Variants in GLOD5 observed in about 807,000 individuals in gnomAD.
The protein encoded by GLOD5 is glyoxalase domain-containing protein 5.
A neutral mutation model predicts 9.9 loss-of-function variants in GLOD5; 7 were observed. The ratio of observed to expected loss-of-function variants is 0.71; its 90% CI spans 0.40 to 1.33. GLOD5 has a LOEUF of 1.33. GLOD5 is among the 40% of genes most tolerant of loss of function. The pLI is 0.01. For synonymous variants in GLOD5, 49 were observed against 47.3 expected (o/e 1.04, Z -0.14); for missense variants, 146 against 128.4 (o/e 1.14, Z -0.66).
At chrX:48,766,825 T>A (rs1379023280) in intron 2 of GLOD5, among the ~76,000 whole-genome samples, 1 of 101,580 alleles carries the variant, frequency 9.8e-6, no homozygotes, top group Non-Finnish European at 2.0e-5. Context: ...ATTTCCCACT[T>A]GCTTTGAAAA....
At chrX:48,769,839 G>A (rs2062617915) in intron 2 of GLOD5, among the ~76,000 whole-genome samples, 1 of 107,947 alleles carries the variant, frequency 9.3e-6, no homozygotes, top group Admixed American at 1.0e-4. Flanking sequence ...AATTAGCCAG[G>A]CGTGGTGGGG....
chrX:48,772,907 C>T (rs1457757634), intron 3 of GLOD5, among the ~76,000 whole-genome samples: 10 of 110,554 alleles, frequency 9.0e-5, no homozygotes, highest in African/African-American at 2.0e-4. Context: ...AAAGATACAG[C>T]GGTGTTCTAA....
chrX:48,772,317 C>G (rs2062624413), intron 3 of GLOD5, among the ~76,000 whole-genome samples: 1 of 110,059 alleles, frequency 9.1e-6, no homozygotes, highest in Non-Finnish European at 1.9e-5. Context: ...GGGAGGATCA[C>G]TTGAACCCAG....
chrX:48,763,110 A>G (rs1554987), intron 1 of GLOD5, among the ~76,000 whole-genome samples: 33,986 of 110,991 alleles, frequency 0.31, 5,162 homozygotes, highest in African/African-American at 0.59. Flanking sequence ...AAAGTAGAAA[A>G]GTTGAAAATC....
chrX:48,764,351 C>G (rs1286809295), intron 1 of GLOD5, among the ~76,000 whole-genome samples: 1 of 110,979 alleles, frequency 9.0e-6, no homozygotes, highest in Non-Finnish European at 1.9e-5. Context: ...AACAAGATGA[C>G]CACACATCAT....
chrX:48,771,222 T>C, intron 3 of GLOD5, 140 bp downstream of exon 3: 1 of 383,027 alleles, frequency 2.6e-6, no homozygotes, highest in Non-Finnish European at 4.2e-6. Context: ...TGACAATTCT[T>C]TCATGTAAAT....
At chrX:48,762,119 G>C (rs782141527) in intron 1 of GLOD5, among the ~76,000 whole-genome samples, 68 of 111,180 alleles carry the variant, frequency 6.1e-4, no homozygotes, top group Non-Finnish European at 1.1e-3. Context: ...GAGATACAAA[G>C]GTGGCTCACG....
intron 3 of GLOD5, among the ~76,000 whole-genome samples, chrX:48,772,263 C>T (rs782254475): frequency 9.1e-6 from 1 of 110,309 alleles, no homozygotes; most frequent in Non-Finnish European, 1.9e-5. Context: ...GGCTGGGGCA[C>T]AGTGGCTCAT....
intron 2 of GLOD5, among the ~76,000 whole-genome samples, chrX:48,767,004 A>AAAAAAAAAAAAAAAAAAAAAAAAAAG: frequency 1.1e-5 from 1 of 87,499 alleles, no homozygotes; most frequent in African/African-American, 4.1e-5. Context: ...AAAAAAAAAA[A>AAAAAAAAAAAAAAAAAAAAAAAAAAG]ACCAACATTG....
chrX:48,765,594 A>AAG (rs2062606869), intron 1 of GLOD5: 1 of 376,003 alleles, frequency 2.7e-6, no homozygotes, highest in African/African-American at 2.7e-5. Flanking sequence ...AAAAAAAAAA[A>AAG]AAAAAAAAGA....
chrX:48,766,985 C>CAAAAAAAAAAAAAAAAAAAAAAAAAAA (rs782648787), intron 2 of GLOD5, among the ~76,000 whole-genome samples: 80 of 3,020 alleles, frequency 0.026, 35 homozygotes, highest in Non-Finnish European at 0.032. Flanking sequence ...GATTCCATCT[C>CAAAAAAAAAAAAAAAAAAAAAAAAAAA]AAAAAAAAAA....
chrX:48,767,248 CCTTA>C (rs782407926), intron 2 of GLOD5, among the ~76,000 whole-genome samples: 1 of 110,345 alleles, frequency 9.1e-6, no homozygotes, highest in Non-Finnish European at 1.9e-5. Context: ...GCAAAAAATG[CCTTA>C]CTAAGATGTG....
At chrX:48,763,136 C>G (rs1423547239) in intron 1 of GLOD5, among the ~76,000 whole-genome samples, 1 of 111,410 alleles carries the variant, frequency 9.0e-6, no homozygotes, top group Non-Finnish European at 1.9e-5. Context: ...CCTGAGCTTC[C>G]CTATCAAGAA....
At chrX:48,773,265 A>G (rs1557017634) in intron 3 of GLOD5, 45 bp from the exon 4 acceptor site, 1 of 1,201,144 alleles carries the variant, frequency 8.3e-7, no homozygotes, top group Non-Finnish European at 1.1e-6. Flanking sequence ...TTGGTCTCAC[A>G]CACACATTTT....
intron 2 of GLOD5, among the ~76,000 whole-genome samples, chrX:48,766,516 C>T (rs191154574): frequency 1.2e-3 from 130 of 108,537 alleles, no homozygotes; most frequent in Non-Finnish European, 1.9e-3. Flanking sequence ...TTTGGGAGGC[C>T]GAGGTGGGCG....
Position 48,761,753 on chromosome X carries a change from T to C in GLOD5, c.-38T>C, listed in dbSNP as rs1216533641. 5.3e-6 allele frequency: 6 copies of C among 1,125,242 alleles called. No individual in the cohort carries two copies. The highest frequency in any genetic ancestry group is 3.7e-5 in the African/African-American group (2 of 54,145). 92.7% of individuals were successfully genotyped at this position (1,125,242 alleles called of 1,213,427 possible). ...GATCTCCAGGCGCTGAGCCAGAGGA[T>C]TGTCGGGAGGACCCTGGGCAAAGAC... is the stretch of plus-strand genomic sequence containing the variant. On this transcript the variant is annotated 5_prime_UTR_variant, in exon 1 of 4. Coordinates refer to ENST00000303227, the MANE Select transcript of GLOD5 (RefSeq NM_001080489.3).
chrX:48,772,585 C>T (rs1211213703), intron 3 of GLOD5, among the ~76,000 whole-genome samples: 1 of 110,686 alleles, frequency 9.0e-6, no homozygotes, highest in Non-Finnish European at 1.9e-5. Flanking sequence ...TTGCAGAACA[C>T]GGATTGAGGT....
At chrX:48,771,316 C>CTT (rs147569348) in intron 3 of GLOD5, among the ~76,000 whole-genome samples, 3 of 99,703 alleles carry the variant, frequency 3.0e-5, no homozygotes, top group African/African-American at 7.2e-5. Flanking sequence ...CACTGAAATA[C>CTT]TTTTTTTTTT....
chrX:48,763,308 C>G (rs1401557939), intron 1 of GLOD5, among the ~76,000 whole-genome samples: 5 of 111,754 alleles, frequency 4.5e-5, no homozygotes, highest in Non-Finnish European at 7.5e-5. Context: ...TATTTTCTCT[C>G]GAGAAATTAA....
Sources: gnomAD v4.1 joint callset for allele counts (sites outside exome capture counted in the v4.1 genomes callset) on GRCh38, gnomAD v4.1.1 for gene constraint, MANE v1.5 for transcripts, NCBI Gene and HGNC (gene_info 2026-07-23, HGNC 2026-07-21) for gene names.